Variants in GRAMD1C observed in about 807,000 individuals in gnomAD.
GRAMD1C encodes the protein protein Aster-C.
In GRAMD1C, 89 loss-of-function variants were observed where a neutral mutation model predicts 97.8. The observed-to-expected ratio is 0.91, with a 90% CI of 0.77 to 1.09. The LOEUF is 1.09. GRAMD1C is among the 50% of genes least tolerant of loss of function. The pLI is 0.00. For missense variants in GRAMD1C, 740 were observed against 766.4 expected (o/e 0.97, Z 0.41); for synonymous variants, 256 against 267.0 (o/e 0.96, Z 0.40).
At chr3:113,944,964 A>T (rs917004012) in intron 17 of GRAMD1C, among the ~76,000 whole-genome samples, 1 of 152,256 alleles carries the variant, frequency 6.6e-6, no homozygotes, top group African/African-American at 2.4e-5. Flanking sequence ...TATAGGCAGA[A>T]TGACTGGGGA....
chr3:113,873,766 G>T (rs1044440512), intron 3 of GRAMD1C, among the ~76,000 whole-genome samples: 4 of 152,164 alleles, frequency 2.6e-5, no homozygotes, highest in South Asian at 2.1e-4. Flanking sequence ...TGATCTGCCC[G>T]CCTTGGCCTC....
intron 6 of GRAMD1C, among the ~76,000 whole-genome samples, chr3:113,894,762 C>T (rs1935867711): frequency 6.6e-6 from 1 of 152,158 alleles, no homozygotes; most frequent in Non-Finnish European, 1.5e-5. Flanking sequence ...GACAGAATGT[C>T]TTTTCATCTT....
intron 1 of GRAMD1C, among the ~76,000 whole-genome samples, chr3:113,830,573 T>C (rs1709544842): frequency 6.6e-6 from 1 of 152,188 alleles, no homozygotes; most frequent in African/African-American, 2.4e-5. Flanking sequence ...GCTATAAACC[T>C]GGACAGCATG....
At chr3:113,933,761 T>A (rs571355462) in intron 12 of GRAMD1C, 108 bp downstream of exon 12, 7 of 768,748 alleles carry the variant, frequency 9.1e-6, no homozygotes, top group Admixed American at 2.5e-5. Context: ...ATTTCTTGCT[T>A]AAATTACATT....
At chr3:113,841,407 TC>T (rs1395849950) in intron 1 of GRAMD1C, among the ~76,000 whole-genome samples, 1 of 147,460 alleles carries the variant, frequency 6.8e-6, no homozygotes, top group Non-Finnish European at 1.5e-5. Flanking sequence ...TGCCTCAGCC[TC>T]CCAAGTAGCT....
intron 8 of GRAMD1C, among the ~76,000 whole-genome samples, chr3:113,906,505 A>C (rs1361523831): frequency 1.3e-5 from 2 of 152,212 alleles, no homozygotes; most frequent in Admixed American, 6.5e-5. Flanking sequence ...GAATAAGTAT[A>C]TAAAGAAAGA....
upstream of GRAMD1C, among the ~76,000 whole-genome samples, chr3:113,834,236 G>A (rs190798252): frequency 1.3e-5 from 2 of 152,228 alleles, no homozygotes; most frequent in African/African-American, 4.8e-5. Flanking sequence ...CTGGAGTGTA[G>A]TGGTGCAATC....
chr3:113,833,809 A>G (rs1012745321), upstream of GRAMD1C, among the ~76,000 whole-genome samples: 7 of 152,202 alleles, frequency 4.6e-5, no homozygotes, highest in Non-Finnish European at 2.9e-5. Flanking sequence ...ATTTCCAAAT[A>G]AATTGTTTCT....
Position 113,845,189 on chromosome 3 carries a change from T to A in GRAMD1C, c.174+540T>A, listed in dbSNP as rs187382351. Among the ~76,000 whole-genome samples, 601 of 152,310 alleles carry A rather than the reference T, an allele frequency of 3.9e-3. 8 individuals carry two copies. The highest frequency in any genetic ancestry group is 0.031 in the South Asian group (148 of 4,828). Reference sequence around the variant, plus strand: ...GAAAATGAGACTACTGCTTGTTGATTAGGCACATTAAGATCTTAGAGTCTT... The same window carrying A: ...GAAAATGAGACTACTGCTTGTTGATAAGGCACATTAAGATCTTAGAGTCTT... On this transcript the variant is annotated intron_variant, in intron 2 of 17. Transcript: ENST00000358160.
intron 6 of GRAMD1C, chr3:113,885,390 G>C (rs889770325): frequency 1.3e-6 from 2 of 1,577,994 alleles, no homozygotes; most frequent in Middle Eastern, 2.0e-4. Flanking sequence ...TGCGGGGGCA[G>C]ATCCGCACGG....
chr3:113,946,335 C>T lies in GRAMD1C; in HGVS notation c.*857C>T, dbSNP rs563555085. ...AAATAATTTGTGTATTTTCAGTAAC[C>T]ATGTATGGCTTCCTTCTTTATGTAT... On this transcript the variant is annotated 3_prime_UTR_variant, in exon 18 of 18. Coordinates refer to ENST00000358160, the MANE Select transcript of GRAMD1C (RefSeq NM_017577.5). The T allele has an allele frequency of 7.2e-5, 11 of 152,676 alleles. No individual in the cohort carries two copies. Among genetic ancestry groups the T allele is most frequent in the Admixed American group, 1.3e-4 (2 of 15,290 alleles). The allele number at this position is 152,676 out of a possible 1,614,324, so 9.5% of individuals were successfully genotyped here. A position where few individuals can be genotyped will look rare whatever the true frequency, so the allele number is the denominator to read the frequency against.
chr3:113,934,927 A>ATACT (rs1379850208), intron 13 of GRAMD1C, among the ~76,000 whole-genome samples: 1 of 152,074 alleles, frequency 6.6e-6, no homozygotes, highest in African/African-American at 2.4e-5. Context: ...TATTATTAGT[A>ATACT]GAGACGAGGT....
rs368678833 is a variant in GRAMD1C, at chr3:113,876,230, C to T, written c.429C>T (p.Asn143=). The T allele has an allele frequency of 2.4e-5, 38 of 1,591,326 alleles. No individual in the cohort carries two copies. Among genetic ancestry groups the T allele is most frequent in the East Asian group, 1.1e-4 (5 of 44,710 alleles). Residue 143 remains asparagine, a synonymous_variant, in exon 5 of 18, where the codon AAC becomes AAT. Coordinates refer to ENST00000358160, the MANE Select transcript of GRAMD1C (RefSeq NM_017577.5). ...TKEKTARLIP[N]AIQIVTESEK... is the part of the protein sequence containing the mutation. ...AAAAAACTGCTCGACTCATCCCAAA[C>T]GCTATCCAGATAGTTACAGAAAGTG...
intron 6 of GRAMD1C, among the ~76,000 whole-genome samples, chr3:113,899,376 A>G (rs538840111): frequency 6.6e-6 from 1 of 152,238 alleles, no homozygotes; most frequent in South Asian, 2.1e-4. Context: ...CTTTCATATC[A>G]TGTTGACTGT....
chr3:113,848,074 A>G (rs563443685), intron 2 of GRAMD1C, among the ~76,000 whole-genome samples: 1 of 152,372 alleles, frequency 6.6e-6, no homozygotes, highest in Admixed American at 6.5e-5. Context: ...AATGTAGAAT[A>G]ATTCATATGT....
intron 6 of GRAMD1C, among the ~76,000 whole-genome samples, chr3:113,893,290 A>G (rs997936828): frequency 6.6e-6 from 1 of 151,818 alleles, no homozygotes; most frequent in Non-Finnish European, 1.5e-5. Flanking sequence ...AAACCTAAAA[A>G]TCTCTGTAGG....
chr3:113,891,025 G>A (rs1377083972), intron 6 of GRAMD1C: 1 of 376,750 alleles, frequency 2.7e-6, no homozygotes, highest in East Asian at 4.2e-5. Context: ...ACACACGGAG[G>A]TATCACCATT....
At chr3:113,900,216 G>A (rs1478186135) in intron 6 of GRAMD1C, among the ~76,000 whole-genome samples, 1 of 151,232 alleles carries the variant, frequency 6.6e-6, no homozygotes, top group Admixed American at 6.6e-5. Context: ...AAAATTAGCT[G>A]GGTGTGGTGG....
intron 6 of GRAMD1C, among the ~76,000 whole-genome samples, chr3:113,896,116 C>A (rs1156725772): frequency 6.6e-6 from 1 of 152,168 alleles, no homozygotes; most frequent in Non-Finnish European, 1.5e-5. Context: ...CCTCTCCCTG[C>A]CTCACTCTCA....
Sources: allele counts gnomAD v4.1 joint callset (sites outside exome capture counted in the v4.1 genomes callset), GRCh38; gene constraint gnomAD v4.1.1; transcripts MANE v1.5; gene names NCBI Gene and HGNC (gene_info 2026-07-23, HGNC 2026-07-21).